Variants in NIPSNAP2 observed in about 807,000 individuals in gnomAD.
NIPSNAP2 encodes protein NipSnap homolog 2.
Under a neutral mutation model 48.4 loss-of-function variants are expected in NIPSNAP2, and 42 were observed. That is an observed-to-expected ratio of 0.87 (90% confidence interval 0.68 to 1.12). NIPSNAP2 has a LOEUF of 1.12. Ranked by LOEUF, NIPSNAP2 falls within the 50% of genes most tolerant of loss-of-function variation. The probability of loss-of-function intolerance (pLI) is 0.00; values close to 1 mark genes in which losing one functional copy is unlikely to be tolerated. For synonymous variants in NIPSNAP2, 158 were observed against 126.6 expected, an observed-to-expected ratio of 1.25 and a Z score of -1.67; for missense variants, 314 against 347.3, an observed-to-expected ratio of 0.90 and a Z score of 0.76.
chr7:55,964,593 C>G lies in NIPSNAP2; in HGVS notation c.-17C>G, dbSNP rs1786849329. The G allele has an allele frequency of 1.0e-6, 1 of 1,000,344 alleles. No homozygotes were observed. The highest frequency in any genetic ancestry group is 4.5e-5 in the South Asian group (1 of 22,036). 62.0% of individuals were successfully genotyped at this position (1,000,344 alleles called of 1,614,324 possible). ...AGCGGCGGCGCCCGGGCGGTGGGAG[C>G]CGAGGCGCCGAGCAAGATGGCGGCG... On this transcript the variant is annotated 5_prime_UTR_variant, in exon 1 of 10. Coordinates refer to ENST00000322090, the MANE Select transcript of NIPSNAP2 (RefSeq NM_001483.3).
intron 7 of NIPSNAP2, among the ~76,000 whole-genome samples, chr7:55,987,803 CAG>C (rs1787362601): frequency 6.6e-6 from 1 of 152,004 alleles, no homozygotes; most frequent in Non-Finnish European, 1.5e-5. Context: ...GGGAGCTGGG[CAG>C]AGAGGGAATA....
At chr7:55,983,607 C>A in intron 5 of NIPSNAP2, 121 bp from the exon 6 acceptor site, 1 of 911,384 alleles carries the variant, frequency 1.1e-6, no homozygotes, top group Non-Finnish European at 1.7e-6. Context: ...GGGACTGTCT[C>A]AGGCCAACTG....
Position 55,971,284 on chromosome 7 carries a change from G to A in NIPSNAP2, c.92+6583G>A, listed in dbSNP as rs117916706. 8.1e-3 allele frequency among the ~76,000 whole-genome samples: 1,233 copies of A among 152,166 alleles called. 18 individuals carry two copies. Among genetic ancestry groups the A allele is most frequent in the Middle Eastern group, 0.024 (7 of 294 alleles). ...TTGACGGTTGGGGGTAGTACTGGCC[G>A]GCTTGTTTTTCATTTGTCAAGACGA... On this transcript the variant is annotated intron_variant, in intron 1 of 9. Transcript: ENST00000322090.
chr7:55,972,058 C>T (rs1399022688), intron 1 of NIPSNAP2, among the ~76,000 whole-genome samples: 1 of 152,094 alleles, frequency 6.6e-6, no homozygotes, highest in East Asian at 1.9e-4. Flanking sequence ...ATAATTCCAG[C>T]ACTTTGGGAG....
intron 7 of NIPSNAP2, 63 bp downstream of exon 7, chr7:55,984,941 G>A (rs1164656891): frequency 7.6e-7 from 1 of 1,324,096 alleles, no homozygotes; most frequent in Non-Finnish European, 1.1e-6. Context: ...AGGCCATAGT[G>A]TTAATTCTAG....
chr7:55,967,978 G>C (rs1786932473), intron 1 of NIPSNAP2, among the ~76,000 whole-genome samples: 1 of 151,650 alleles, frequency 6.6e-6, no homozygotes, highest in African/African-American at 2.4e-5. Context: ...TGTAGAGAGG[G>C]GGGTCTTGCT....
At chr7:55,966,943 G>A (rs1007748932) in intron 1 of NIPSNAP2, among the ~76,000 whole-genome samples, 1 of 152,226 alleles carries the variant, frequency 6.6e-6, no homozygotes, top group African/African-American at 2.4e-5. Flanking sequence ...CAGTGGCCAG[G>A]AGGAGGGAGG....
Position 55,999,229 on chromosome 7 carries a change from CA to C in NIPSNAP2, c.*159del. ...CTTTTCTTTAAAATTTACATAATCA[CA>C]AGAAAGGAAAGAATTACAGTTGGAC... On this transcript the variant is annotated 3_prime_UTR_variant, in exon 10 of 10. Transcript: ENST00000322090. 1.6e-6 allele frequency: 1 copy of C among 644,492 alleles called. No homozygotes were observed. Among genetic ancestry groups the C allele is most frequent in the Non-Finnish European group, 2.7e-6 (1 of 365,594 alleles). 39.9% of individuals were successfully genotyped at this position (644,492 alleles called of 1,614,324 possible). A position where few individuals can be genotyped will look rare whatever the true frequency, so the allele number is the denominator to read the frequency against.
At chr7:55,990,471 T>A (rs1425446261) in intron 7 of NIPSNAP2, among the ~76,000 whole-genome samples, 1 of 152,196 alleles carries the variant, frequency 6.6e-6, no homozygotes, top group East Asian at 1.9e-4. Flanking sequence ...GACCTCATGA[T>A]CCGCCTGCCT....
intron 6 of NIPSNAP2, among the ~76,000 whole-genome samples, chr7:55,984,353 G>A (rs1021495753): frequency 2.0e-5 from 3 of 152,138 alleles, no homozygotes; most frequent in African/African-American, 7.2e-5. Context: ...AAGGTTGGAG[G>A]ATTGCTTGAG....
At chr7:55,978,485 A>G in intron 3 of NIPSNAP2, 90 bp downstream of exon 3, 4 of 1,117,702 alleles carry the variant, frequency 3.6e-6, no homozygotes, top group Non-Finnish European at 3.8e-6. Flanking sequence ...ATAGAGAGAG[A>G]TCTTTCATCC....
chr7:55,969,496 C>T (rs1786969349), intron 1 of NIPSNAP2, among the ~76,000 whole-genome samples: 1 of 152,132 alleles, frequency 6.6e-6, no homozygotes, highest in South Asian at 2.1e-4. Flanking sequence ...TTAGAGCAGG[C>T]CCCCAGGCTG....
chr7:55,965,209 C>G (rs11767454), intron 1 of NIPSNAP2: 53,317 of 152,162 alleles, frequency 0.35, 9,291 homozygotes, highest in South Asian at 0.37. Context: ...CTCCGCGGAG[C>G]GTAGGGGAAG....
rs527835605 is a variant in NIPSNAP2 at position 55,968,252 on chromosome 7, G to T, written c.92+3551G>T. On this transcript the variant is annotated intron_variant, in intron 1 of 9. Coordinates refer to ENST00000322090, the MANE Select transcript of NIPSNAP2 (RefSeq NM_001483.3). ...AGAACTGGGGATATTTTAATAGGGA[G>T]TGGATATTAGATATGATGGAATAAT... Among the ~76,000 whole-genome samples, 34 of 152,248 alleles carry T rather than the reference G, an allele frequency of 2.2e-4. No individual in the cohort carries two copies. The South Asian group carries it at 3.9e-3, about 18-fold the overall frequency.
At chr7:55,993,610 T>C (rs1394716044) in intron 7 of NIPSNAP2, among the ~76,000 whole-genome samples, 2 of 148,116 alleles carry the variant, frequency 1.4e-5, no homozygotes, top group African/African-American at 5.0e-5. Context: ...CGTGATGTCA[T>C]GTGCCCATAA....
At chr7:55,969,050 AAAAAAAG>A in intron 1 of NIPSNAP2, among the ~76,000 whole-genome samples, 2 of 145,184 alleles carry the variant, frequency 1.4e-5, no homozygotes, top group South Asian at 4.5e-4. Flanking sequence ...CTGTCTGAAA[AAAAAAAG>A]AAAAAAAGAA....
intron 1 of NIPSNAP2, among the ~76,000 whole-genome samples, chr7:55,976,207 C>G (rs555543626): frequency 2.6e-5 from 4 of 152,340 alleles, no homozygotes; most frequent in African/African-American, 9.6e-5. Context: ...TAGTGCTGTT[C>G]TGTGCCGGCT....
At chr7:55,969,603 C>T (rs1036405486) in intron 1 of NIPSNAP2, among the ~76,000 whole-genome samples, 2 of 152,146 alleles carry the variant, frequency 1.3e-5, no homozygotes, top group Non-Finnish European at 2.9e-5. Flanking sequence ...CTGCCCTCAC[C>T]AGCAAACTGA....
At chr7:55,970,010 T>C (rs1309107162) in intron 1 of NIPSNAP2, among the ~76,000 whole-genome samples, 2 of 150,722 alleles carry the variant, frequency 1.3e-5, no homozygotes, top group East Asian at 3.9e-4. Flanking sequence ...AAAGATCATA[T>C]GAATGAAGCA....
Sources: allele counts gnomAD v4.1 joint callset (sites outside exome capture counted in the v4.1 genomes callset), GRCh38; gene constraint gnomAD v4.1.1; transcripts MANE v1.5; gene names NCBI Gene and HGNC (gene_info 2026-07-23, HGNC 2026-07-21).